Variants in PPM1L observed in about 807,000 individuals in gnomAD.
The protein encoded by PPM1L is protein phosphatase 1L.
PPM1L carries 13 observed loss-of-function variants against 31.4 expected under a neutral mutation model. That is an observed-to-expected ratio of 0.41 (90% confidence interval 0.27 to 0.66). The LOEUF (loss-of-function observed/expected upper bound fraction) is 0.66, where lower values mean the gene tolerates loss of function less well. Among genes scored for constraint, PPM1L ranks in the 30% least tolerant of loss-of-function variants. The pLI, the probability that PPM1L is intolerant of heterozygous loss-of-function variation, is 0.29. For missense variants in PPM1L, 326 were observed against 453.7 expected, an observed-to-expected ratio of 0.72 and a Z score of 2.56; for synonymous variants, 184 against 175.4, an observed-to-expected ratio of 1.05 and a Z score of -0.39.
chr3:160,756,242 G>A lies in PPM1L; in HGVS notation c.-67G>A. 13 of 1,540,414 alleles carry A rather than the reference G, an allele frequency of 8.4e-6. No individual in the cohort carries two copies. The highest frequency in any genetic ancestry group is 1.1e-5 in the Non-Finnish European group (13 of 1,136,234). ...CCTCCCGGCGGGCTGTCCCCGCAGT[G>A]CTCCCGGACCCGGCGAGCCTTCGGG... On this transcript the variant is annotated 5_prime_UTR_variant, in exon 1 of 4. Coordinates refer to ENST00000498165, the MANE Select transcript of PPM1L (RefSeq NM_139245.4). The surrounding 1 kb of genome is among the most constrained non-coding windows in gnomAD (Gnocchi z 6.2).
At chr3:161,037,962 G>C (rs896530841) in intron 2 of PPM1L, among the ~76,000 whole-genome samples, 1 of 151,880 alleles carries the variant, frequency 6.6e-6, no homozygotes, top group Non-Finnish European at 1.5e-5. Context: ...GGCCGGGCGC[G>C]GTGGCTCACG....
At position 160,756,549 on chromosome 3, in the gene PPM1L, G is replaced by C; in HGVS notation, c.241G>C (p.Glu81Gln). 1 of 1,614,138 alleles carries C rather than the reference G, an allele frequency of 6.2e-7. No individual in the cohort carries two copies. Among genetic ancestry groups the C allele is most frequent in the Non-Finnish European group, 8.5e-7 (1 of 1,180,014 alleles). The change falls in exon 1 of 4, where the codon GAG (glutamate) becomes CAG (glutamine). Residue 81 changes from glutamate to glutamine, a missense_variant. Around this residue, in one of 3 missense-constraint regions of PPM1L, gnomAD observed 83 missense variants for 79.4 expected, o/e 1.04. Coordinates refer to ENST00000498165, the MANE Select transcript of PPM1L (RefSeq NM_139245.4). The surrounding 1 kb of genome is among the most constrained non-coding windows in gnomAD (Gnocchi z 6.2). ...RLGGLDVLEA[E>Q]FSKTWEFKNH... is the part of the protein sequence containing the mutation. ...CGGGGGGCTTGATGTGCTCGAGGCC[G>C]AGTTTTCCAAGACCTGGGAGTTCAA...
intron 1 of PPM1L, among the ~76,000 whole-genome samples, chr3:160,816,192 T>C (rs1712988546): frequency 6.6e-6 from 1 of 151,834 alleles, no homozygotes; most frequent in Non-Finnish European, 1.5e-5. Context: ...TAAAAAGTAT[T>C]GGGGACAATG....
intron 2 of PPM1L, among the ~76,000 whole-genome samples, chr3:161,010,892 G>A (rs1717870809): frequency 6.6e-6 from 1 of 151,864 alleles, no homozygotes; most frequent in African/African-American, 2.4e-5. Context: ...GCAAATTTGA[G>A]TTCTTTGTAG....
chr3:160,794,963 A>C (rs1458901001), intron 1 of PPM1L, among the ~76,000 whole-genome samples: 1 of 152,168 alleles, frequency 6.6e-6, no homozygotes, highest in Non-Finnish European at 1.5e-5. Context: ...GCAGTGGCTG[A>C]ACCTGGGAGA....
intron 2 of PPM1L, among the ~76,000 whole-genome samples, chr3:161,014,173 T>C (rs1000180407): frequency 1.3e-5 from 2 of 152,198 alleles, no homozygotes; most frequent in Admixed American, 1.3e-4. Flanking sequence ...GTTGTTCCTT[T>C]CCATGTGTAG....
In PPM1L at chr3:160,882,724, C is replaced by T. The variant is rs1173675891; in HGVS notation, c.400-79012C>T. 3.3e-5 allele frequency among the ~76,000 whole-genome samples: 5 copies of T among 152,280 alleles called. No homozygotes were observed. In the South Asian group the frequency reaches 1.0e-3, roughly 32 times the overall value. ...ATAAAAGTATATAAATGAAAAGTTTCCCACTCACCGTTGTTCCCAGGTCAC... is the reference window on the plus strand; with the variant it reads ...ATAAAAGTATATAAATGAAAAGTTTTCCACTCACCGTTGTTCCCAGGTCAC... On this transcript the variant is annotated intron_variant, in intron 1 of 3. Coordinates refer to ENST00000498165, the MANE Select transcript of PPM1L (RefSeq NM_139245.4).
chr3:160,787,756 A>G (rs1038531321), intron 1 of PPM1L, among the ~76,000 whole-genome samples: 1 of 152,158 alleles, frequency 6.6e-6, no homozygotes, highest in African/African-American at 2.4e-5. Flanking sequence ...TCCTTAATCT[A>G]TCTTAAGTTG....
chr3:161,031,760 C>T (rs1274496056), intron 2 of PPM1L, among the ~76,000 whole-genome samples: 1 of 152,066 alleles, frequency 6.6e-6, no homozygotes, highest in Non-Finnish European at 1.5e-5. Context: ...CCTCAGCCTC[C>T]CAACGTGCTG....
At chr3:160,837,757 T>A (rs567397700) in intron 1 of PPM1L, among the ~76,000 whole-genome samples, 1 of 152,210 alleles carries the variant, frequency 6.6e-6, no homozygotes, top group African/African-American at 2.4e-5. Context: ...CAGGAAAGCA[T>A]GTTTAAGAGT....
At chr3:160,797,797 A>C (rs1712304087) in intron 1 of PPM1L, among the ~76,000 whole-genome samples, 2 of 152,194 alleles carry the variant, frequency 1.3e-5, no homozygotes, top group Admixed American at 6.5e-5. Context: ...ATGAAACCTG[A>C]GAGAGGTGAG....
rs200549271 is a variant in PPM1L, at chr3:160,814,529, ATG to A, written c.399+57824_399+57825del. ...TATGTGTATATATATACACACACAT[ATG>A]TATGTATGTGTATATATACACACAC... On this transcript the variant is annotated intron_variant, in intron 1 of 3. Coordinates refer to ENST00000498165, the MANE Select transcript of PPM1L (RefSeq NM_139245.4). Among the ~76,000 whole-genome samples, 503 of 97,848 alleles carry A rather than the reference ATG, an allele frequency of 5.1e-3. 5 individuals are homozygous for A. The highest frequency in any genetic ancestry group is 0.018 in the Admixed American group (189 of 10,512). 64.2% of individuals were successfully genotyped at this position (97,848 alleles called of 152,430 possible). A position where few individuals can be genotyped will look rare whatever the true frequency, so the allele number is the denominator to read the frequency against.
chr3:160,792,440 C>T (rs1712133036), intron 1 of PPM1L, among the ~76,000 whole-genome samples: 1 of 152,074 alleles, frequency 6.6e-6, no homozygotes, highest in South Asian at 2.1e-4. Context: ...TTTAGGTTTG[C>T]AGAGAAGTTG....
rs939626514 is a variant in PPM1L, at chr3:160,858,252, C to CT, written c.399+101553dup. Among the ~76,000 whole-genome samples, 24 of 152,034 alleles carry CT rather than the reference C, an allele frequency of 1.6e-4. No homozygotes were observed. The South Asian group carries it at 3.9e-3, about 25-fold the overall frequency. ...TTATTTAAAATTTCTCTTTTCTTTT[C>CT]TTTTTTTTCTTTTTTCTTTCTTCTC... On this transcript the variant is annotated intron_variant, in intron 1 of 3. Coordinates refer to ENST00000498165, the MANE Select transcript of PPM1L (RefSeq NM_139245.4).
intron 2 of PPM1L, among the ~76,000 whole-genome samples, chr3:161,060,223 C>A (rs1169557454): frequency 6.6e-6 from 1 of 150,600 alleles, no homozygotes; most frequent in Admixed American, 6.7e-5. Context: ...GCTACAACAT[C>A]TTCATATGGG....
chr3:161,043,769 C>A (rs965313617), intron 2 of PPM1L, among the ~76,000 whole-genome samples: 11 of 152,166 alleles, frequency 7.2e-5, no homozygotes, highest in African/African-American at 2.7e-4. Context: ...CTCTGATGCA[C>A]TGGAAACATT....
intron 1 of PPM1L, among the ~76,000 whole-genome samples, chr3:160,806,330 A>G (rs1188610746): frequency 6.6e-6 from 1 of 152,048 alleles, no homozygotes; most frequent in Admixed American, 6.6e-5. Context: ...GCCATCCCTG[A>G]CTTTCTCTGC....
Position 161,078,824 on chromosome 3 carries a change from T to G in PPM1L, c.*9667T>G, listed in dbSNP as rs963727290. On this transcript the variant is annotated 3_prime_UTR_variant, in exon 4 of 4. Transcript: ENST00000498165. ...TCATGCTATCTCTGATCCTGTGGTG[T>G]TGTATAAAAATGAACAGCTAAAAAT... 9 of 152,194 alleles carry G rather than the reference T, an allele frequency of 5.9e-5. No homozygotes were observed. Among genetic ancestry groups the G allele is most frequent in the Admixed American group, 1.3e-4 (2 of 15,278 alleles). The allele number at this position is 152,194 out of a possible 1,614,324, so 9.4% of individuals were successfully genotyped here.
chr3:160,849,786 G>A (rs908168062), intron 1 of PPM1L, among the ~76,000 whole-genome samples: 1 of 151,356 alleles, frequency 6.6e-6, no homozygotes, highest in Non-Finnish European at 1.5e-5. Context: ...GGATGGTCTC[G>A]ATCTCCTGAC....
Sources: allele counts gnomAD v4.1 joint callset (sites outside exome capture counted in the v4.1 genomes callset), GRCh38; gene constraint gnomAD v4.1.1; regional missense constraint gnomAD v4.1.1; non-coding constraint Gnocchi (gnomAD v3.1); transcripts MANE v1.5; gene names NCBI Gene and HGNC (gene_info 2026-07-23, HGNC 2026-07-21).